Variants in NEB observed in about 807,000 individuals in gnomAD.
NEB encodes nebulin.
In NEB, 512 loss-of-function variants were observed where a neutral mutation model predicts 952.2. The ratio of observed to expected loss-of-function variants is 0.54; its 90% confidence interval spans 0.50 to 0.58. NEB has a LOEUF of 0.58. Ranked by LOEUF, NEB falls within the 20% of genes least tolerant of loss-of-function variation. The probability of loss-of-function intolerance (pLI) is 0.00; values close to 1 mark genes in which losing one functional copy is unlikely to be tolerated. For synonymous variants in NEB, 2,900 were observed against 3,149.8 expected (o/e 0.92, Z 2.66); for missense variants, 8,428 against 9,231.1 (o/e 0.91, Z 3.56).
rs2288201 is a variant in NEB, at chr2:151,547,780, C to T, written c.20158-42G>A. Reference sequence around the variant, plus strand: ...ATCATTACAGGCATTTAGTAGGGGACGACGAGGGCATCTACTGACTAATCA... The same window carrying T: ...ATCATTACAGGCATTTAGTAGGGGATGACGAGGGCATCTACTGACTAATCA... On this transcript the variant is annotated intron_variant, in intron 131 of 181. Transcript: ENST00000397345. 902,071 of 1,421,254 alleles carry T rather than the reference C, an allele frequency of 0.63. 288,227 individuals are homozygous for T. Among genetic ancestry groups the T allele is most frequent in the East Asian group, 0.79 (34,120 of 43,194 alleles). The allele number at this position is 1,421,254 out of a possible 1,614,324, so 88.0% of individuals were successfully genotyped here. A position where few individuals can be genotyped will look rare whatever the true frequency, so the allele number is the denominator to read the frequency against.
rs1433872006 is a variant in NEB at position 151,719,207 on chromosome 2, G to C, written c.718-1687C>G. Among the ~76,000 whole-genome samples, 6 of 152,298 alleles carry C rather than the reference G, an allele frequency of 3.9e-5. No homozygotes were observed. The East Asian group carries it at 1.2e-3, about 29-fold the overall frequency. ...GGCAAAGAAGATGTCCTATCCTTGG[G>C]AACCCTTGTGGCCTGCATAGTACCT... On this transcript the variant is annotated intron_variant, in intron 9 of 181. Coordinates refer to ENST00000397345, the MANE Select transcript of NEB (RefSeq NM_001164508.2).
rs1170681985 is a variant in NEB at position 151,492,429 on chromosome 2, G to A, written c.24831C>T (p.Pro8277=). The A allele has an allele frequency of 4.3e-6, 7 of 1,611,996 alleles. No homozygotes were observed. Among genetic ancestry groups the A allele is most frequent in the Middle Eastern group, 1.7e-4 (1 of 6,060 alleles). Residue 8277 remains proline, a synonymous_variant, in exon 177 of 182, where the codon CCC becomes CCT. Coordinates refer to ENST00000397345, the MANE Select transcript of NEB (RefSeq NM_001164508.2). ...QGKAAYVLDT[P]EMRRVRETQR... ...GGGTCTCCCTCACCCGTCTCATCTC[G>A]GGGGTATCCAATACATAGGCAGCTT...
intron 13 of NEB, among the ~76,000 whole-genome samples, chr2:151,702,470 A>C (rs1035745412): frequency 6.6e-6 from 1 of 152,116 alleles, no homozygotes; most frequent in African/African-American, 2.4e-5. Context: ...GTGGGGTGTT[A>C]AAGTCTCCCA....
chr2:151,511,712 G>A (rs574571582), intron 161 of NEB, among the ~76,000 whole-genome samples: 5 of 152,294 alleles, frequency 3.3e-5, no homozygotes, highest in African/African-American at 1.2e-4. Flanking sequence ...CTATCCCAGG[G>A]TGTGAAGGAT....
intron 127 of NEB, 96 bp downstream of exon 127, chr2:151,553,302 G>T: frequency 2.0e-6 from 2 of 1,005,592 alleles, no homozygotes; most frequent in East Asian, 2.5e-5. Context: ...CCCCAGAGCT[G>T]GCCTGTGACA....
At position 151,729,643 on chromosome 2, in the gene NEB, T is replaced by A. The variant is rs1290381958; in HGVS notation, c.50A>T (p.Glu17Val). The change falls in exon 4 of 182, where the codon GAA becomes GTA. Residue 17 changes from glutamate to valine, a missense_variant. By Grantham distance (121) the Glu-to-Val change is moderately radical. This residue lies in a region of NEB where 2,851 missense variants were observed against 2,791.5 expected (regional missense o/e 1.02). Coordinates refer to ENST00000397345, the MANE Select transcript of NEB (RefSeq NM_001164508.2). ...YEEVVEYYTE[E>V]VVYEEVPGET... ...TCCCGGCACCTCTTCGTAAACCACT[T>A]CTTCTGTGTAGTACTGTAAATAGAG... 4.3e-6 allele frequency: 7 copies of A among 1,613,236 alleles called. No homozygotes were observed. The South Asian group carries it at 7.7e-5, about 18-fold the overall frequency.
intron 46 of NEB, among the ~76,000 whole-genome samples, 193 bp downstream of exon 46, chr2:151,661,942 T>C (rs1446058243): frequency 6.6e-6 from 1 of 152,180 alleles, no homozygotes; most frequent in Non-Finnish European, 1.5e-5. Context: ...GGATGGTTCA[T>C]TGAAGATTTG....
At position 151,524,621 on chromosome 2, in the gene NEB, A is replaced by G. The variant is rs886054929; in HGVS notation, c.22273-5T>C. The G allele has an allele frequency of 3.8e-5, 18 of 478,326 alleles. No homozygotes were observed. Among genetic ancestry groups the G allele is most frequent in the Non-Finnish European group, 5.9e-5 (17 of 287,302 alleles). The allele number at this position is 478,326 out of a possible 1,614,324, so 29.6% of individuals were successfully genotyped here. ...GGCATCTTTTCTGTAAGCGACCTTTATTGGGGAAGAAAATGTTTACTCAAG... is the reference window on the plus strand; with the variant it reads ...GGCATCTTTTCTGTAAGCGACCTTTGTTGGGGAAGAAAATGTTTACTCAAG... On this transcript the variant is annotated splice_polypyrimidine_tract_variant and splice_region_variant and intron_variant, in intron 151 of 181. Transcript: ENST00000397345.
intron 48 of NEB, among the ~76,000 whole-genome samples, chr2:151,656,904 T>A (rs913825010): frequency 6.6e-5 from 10 of 152,182 alleles, no homozygotes; most frequent in Admixed American, 5.2e-4. Flanking sequence ...GAGAAATTAT[T>A]CTGTCAGTCA....
intron 29 of NEB, 40 bp downstream of exon 29, chr2:151,682,622 A>G (rs1319584742): frequency 6.7e-7 from 1 of 1,490,344 alleles, no homozygotes; most frequent in Non-Finnish European, 9.3e-7. Context: ...TTAACACAAC[A>G]CAGTCACCAC....
In NEB at chr2:151,619,456, T is replaced by A; in HGVS notation, c.10867A>T (p.Ser3623Cys). ...CTAACATCAAGGAAACTTACGTCAC[T>A]CTGGAGGTCATAGGCTTTCCGTGCA... ...IHARKAYDLQ[S>C]DNLYKSDLEW... Residue 3623 changes from serine to cysteine, a missense_variant, in exon 73 of 182, where the codon AGT becomes TGT. Transcript: ENST00000397345. 6.3e-7 allele frequency: 1 copy of A among 1,599,476 alleles called. No homozygotes were observed. Among genetic ancestry groups the A allele is most frequent in the Non-Finnish European group, 8.5e-7 (1 of 1,170,124 alleles).
rs376370460 is a variant in NEB at position 151,567,485 on chromosome 2, G to A, written c.17845-6C>T. ...TGTTCAGCTTTGTATTTCAGCTGGC[G>A]AGAAGAGGAATATAAATTCCATCAG... On this transcript the variant is annotated splice_polypyrimidine_tract_variant and splice_region_variant and intron_variant, in intron 113 of 181. Transcript: ENST00000397345. 1.4e-5 allele frequency: 22 copies of A among 1,596,792 alleles called. No individual in the cohort carries two copies. The highest frequency in any genetic ancestry group is 1.2e-4 in the Admixed American group (7 of 57,162).
At chr2:151,642,030 T>C (rs1041006587) in intron 60 of NEB, among the ~76,000 whole-genome samples, 14 of 152,230 alleles carry the variant, frequency 9.2e-5, no homozygotes, top group African/African-American at 3.4e-4. Context: ...GTTCTCATTG[T>C]TCAATTCCCA....
chr2:151,638,986 T>C (rs1462558907), intron 63 of NEB, among the ~76,000 whole-genome samples: 2 of 152,318 alleles, frequency 1.3e-5, no homozygotes, highest in East Asian at 1.9e-4. Flanking sequence ...GGGAGATACA[T>C]GTATAGGTCA....
At chr2:151,560,960 G>A (rs764601754) in intron 123 of NEB, 44 bp downstream of exon 123, 4 of 1,201,894 alleles carry the variant, frequency 3.3e-6, no homozygotes, top group East Asian at 2.4e-5. Context: ...CCCAGAAGGG[G>A]GAAAGGTGGC....
At chr2:151,498,066 T>G (rs2061506967) in intron 170 of NEB, 194 bp downstream of exon 170, 1 of 1,457,170 alleles carries the variant, frequency 6.9e-7, no homozygotes, top group Non-Finnish European at 9.0e-7. Flanking sequence ...TAAAACATGT[T>G]TGTTTGTAAA....
rs550620134 is a variant in NEB, at chr2:151,511,789, CAG to C, written c.23346+942_23346+943del. Among the ~76,000 whole-genome samples the C allele has an allele frequency of 3.5e-4, 54 of 152,274 alleles. No individual in the cohort carries two copies. In the South Asian group the frequency reaches 3.9e-3, roughly 11 times the overall value. On this transcript the variant is annotated intron_variant, in intron 161 of 181. Transcript: ENST00000397345. Reference sequence around the variant, plus strand: ...GAGAGTTATTCATCATGAGGGGAGTCAGGGGTTAGACTGTGTGGTCTCAATCT... The same window carrying C: ...GAGAGTTATTCATCATGAGGGGAGTCGGGTTAGACTGTGTGGTCTCAATCT...
At chr2:151,658,785 C>T (rs944756852) in intron 47 of NEB, among the ~76,000 whole-genome samples, 6 of 152,006 alleles carry the variant, frequency 3.9e-5, no homozygotes, top group Admixed American at 3.3e-4. Flanking sequence ...CTCCTGGCCC[C>T]GGAGCCTGTT....
intron 17 of NEB, 65 bp from the exon 18 acceptor site, chr2:151,695,747 G>T: frequency 1.6e-6 from 2 of 1,233,528 alleles, no homozygotes; most frequent in Non-Finnish European, 2.3e-6. Context: ...TTCTTGTGTG[G>T]TACATTTTGT....
Sources: allele counts gnomAD v4.1 joint callset (sites outside exome capture counted in the v4.1 genomes callset), GRCh38; gene constraint gnomAD v4.1.1; regional missense constraint gnomAD v4.1.1; transcripts MANE v1.5; gene names NCBI Gene and HGNC (gene_info 2026-07-23, HGNC 2026-07-21).